Variants in CFAP43 observed in about 807,000 individuals in gnomAD.
CFAP43 encodes cilia- and flagella-associated protein 43.
A neutral mutation model predicts 218.9 loss-of-function variants in CFAP43; 155 were observed. That is an observed-to-expected ratio of 0.71 (90% confidence interval 0.62 to 0.81). CFAP43 has a LOEUF of 0.81. CFAP43 is among the 30% of genes least tolerant of loss of function. The pLI, the probability that CFAP43 is intolerant of heterozygous loss-of-function variation, is 0.00. For missense variants in CFAP43, 1,778 were observed against 1,954.3 expected (o/e 0.91, Z 1.70); for synonymous variants, 645 against 681.3 (o/e 0.95, Z 0.83).
chr10:104,193,281 T>C (rs1339618063), intron 11 of CFAP43: 15 of 152,258 alleles, frequency 9.9e-5, no homozygotes, highest in Non-Finnish European at 1.5e-5. Context: ...ATAATCAGGC[T>C]GGTCTTTATG....
In CFAP43 at chr10:104,217,189, A is replaced by G. The variant is rs1234091299; in HGVS notation, c.417-2763T>C. On this transcript the variant is annotated intron_variant, in intron 3 of 37. Transcript: ENST00000357060. ...CCCCCTGAATATTAGCCAGGCACAT[A>G]TGGCCACTCACAATGAGGACCTAAT... is the stretch of plus-strand genomic sequence containing the variant. Among the ~76,000 whole-genome samples the G allele has an allele frequency of 2.0e-5, 3 of 152,166 alleles. No individual in the cohort carries two copies. In the East Asian group the frequency reaches 5.8e-4, roughly 29 times the overall value.
intron 20 of CFAP43, among the ~76,000 whole-genome samples, chr10:104,170,173 T>C (rs2089348465): frequency 6.6e-6 from 1 of 152,014 alleles, no homozygotes; most frequent in Non-Finnish European, 1.5e-5. Flanking sequence ...CTGGTGTTAC[T>C]ATCTCTTCAA....
chr10:104,147,365 A>G (rs936129113), intron 29 of CFAP43, among the ~76,000 whole-genome samples: 1 of 152,098 alleles, frequency 6.6e-6, no homozygotes, highest in East Asian at 1.9e-4. Context: ...TGACATTTGT[A>G]GAAACATTAT....
intron 37 of CFAP43, among the ~76,000 whole-genome samples, chr10:104,131,024 AAAG>A (rs1396414384): frequency 6.7e-6 from 1 of 150,192 alleles, no homozygotes; most frequent in Non-Finnish European, 1.5e-5. Flanking sequence ...AAAAAAAAGA[AAAG>A]AAACACTGGG....
At chr10:104,152,926 A>G (rs1201870227) in intron 27 of CFAP43, among the ~76,000 whole-genome samples, 200 bp from the exon 28 acceptor site, 1 of 152,148 alleles carries the variant, frequency 6.6e-6, no homozygotes, top group African/African-American at 2.4e-5. Context: ...TGCTTAGAAA[A>G]GATTACATTG....
rs756770927 is a variant in CFAP43 at position 104,164,111 on chromosome 10, C to T, written c.3229G>A (p.Val1077Ile). Residue 1077 changes from valine to isoleucine, a missense_variant, in exon 24 of 38, where the codon GTT becomes ATT. By Grantham distance (29) the Val-to-Ile change is conservative. This residue lies in a region of CFAP43 where 1,553 missense variants were observed against 1,685.2 expected (regional missense o/e 0.92). Coordinates refer to ENST00000357060, the MANE Select transcript of CFAP43 (RefSeq NM_025145.7). ...GCCAGTACCTCCTCATCTTGCACAACAAGCGTTCTCTCTGGCTTCTCACAG... is the reference window on the plus strand; with the variant it reads ...GCCAGTACCTCCTCATCTTGCACAATAAGCGTTCTCTCTGGCTTCTCACAG... Reference protein sequence around the residue: ...EDCEKPERTLVVQDEEITAHK... With the variant: ...EDCEKPERTLIVQDEEITAHK... The T allele has an allele frequency of 3.9e-5, 63 of 1,614,070 alleles. No homozygotes were observed. In the South Asian group the frequency reaches 5.5e-4, roughly 14 times the overall value.
chr10:104,148,564 G>T (rs1047504286), intron 28 of CFAP43, among the ~76,000 whole-genome samples: 6 of 152,110 alleles, frequency 3.9e-5, no homozygotes, highest in Non-Finnish European at 7.4e-5. Flanking sequence ...CCTCAGGGGT[G>T]AGTGAGTTTA....
chr10:104,203,647 A>T (rs560129169), intron 8 of CFAP43, 25 bp downstream of exon 8: 18 of 1,583,936 alleles, frequency 1.1e-5, no homozygotes, highest in South Asian at 1.1e-4. Context: ...AAAATCACAT[A>T]TCAAGAAATT....
At chr10:104,227,937 C>T (rs1439352960) in intron 2 of CFAP43, among the ~76,000 whole-genome samples, 1 of 149,728 alleles carries the variant, frequency 6.7e-6, no homozygotes, top group Non-Finnish European at 1.5e-5. Flanking sequence ...ACCTCCGCCT[C>T]CCGGGTTCAA....
At chr10:104,142,491 T>A in intron 32 of CFAP43, 98 bp from the exon 33 acceptor site, 1 of 756,126 alleles carries the variant, frequency 1.3e-6, no homozygotes, top group Non-Finnish European at 2.1e-6. Flanking sequence ...CCTTAACAGG[T>A]CTATCTTTCG....
chr10:104,167,403 G>A (rs149155541), intron 22 of CFAP43, among the ~76,000 whole-genome samples: 48 of 152,222 alleles, frequency 3.2e-4, no homozygotes, highest in Non-Finnish European at 5.6e-4. Flanking sequence ...TCATATTTGA[G>A]GGCTAGCCAG....
chr10:104,189,963 C>T (rs1231207598), intron 12 of CFAP43, among the ~76,000 whole-genome samples: 1 of 151,968 alleles, frequency 6.6e-6, no homozygotes, highest in Non-Finnish European at 1.5e-5. Context: ...GTCAGGAGAT[C>T]GAGACCATCC....
chr10:104,212,784 T>C (rs1018813093), intron 4 of CFAP43, among the ~76,000 whole-genome samples: 5 of 152,242 alleles, frequency 3.3e-5, no homozygotes, highest in Non-Finnish European at 7.3e-5. Flanking sequence ...TTAGAGAATT[T>C]GTGGTTTCAT....
chr10:104,184,795 G>A (rs558735365), intron 16 of CFAP43, among the ~76,000 whole-genome samples: 7 of 152,050 alleles, frequency 4.6e-5, no homozygotes, highest in African/African-American at 1.2e-4. Context: ...TCTCATCCAC[G>A]TTTTCCTCCC....
intron 19 of CFAP43, among the ~76,000 whole-genome samples, chr10:104,173,045 A>G (rs1430850558): frequency 6.6e-6 from 1 of 152,194 alleles, no homozygotes; most frequent in African/African-American, 2.4e-5. Flanking sequence ...AAAAGTTCAT[A>G]ACTTAAAAAA....
In CFAP43 at chr10:104,174,155, T is replaced by C. The variant is rs529274516; in HGVS notation, c.2461-1620A>G. ...ATTCAACAAGGTGGTCAGAAAAAAA[T>C]CAGTAACATTCACATATACCAATAA... On this transcript the variant is annotated intron_variant, in intron 19 of 37. Coordinates refer to ENST00000357060, the MANE Select transcript of CFAP43 (RefSeq NM_025145.7). Among the ~76,000 whole-genome samples, 3 of 152,184 alleles carry C rather than the reference T, an allele frequency of 2.0e-5. No individual in the cohort carries two copies. In the South Asian group the frequency reaches 6.2e-4, roughly 32 times the overall value.
intron 4 of CFAP43, 53 bp downstream of exon 4, chr10:104,214,206 A>T: frequency 6.7e-7 from 1 of 1,502,206 alleles, no homozygotes; most frequent in Non-Finnish European, 8.9e-7. Context: ...ATCACATTAC[A>T]CGAATGCAAA....
intron 19 of CFAP43, among the ~76,000 whole-genome samples, chr10:104,173,307 T>C (rs1434314548): frequency 1.3e-5 from 2 of 152,004 alleles, no homozygotes; most frequent in Admixed American, 1.3e-4. Flanking sequence ...AGGAATAGAA[T>C]CCTTCAGGAG....
chr10:104,185,899 A>G (rs957384431), intron 15 of CFAP43, 75 bp downstream of exon 15: 30 of 1,361,430 alleles, frequency 2.2e-5, no homozygotes, highest in African/African-American at 1.8e-4. Flanking sequence ...GCAAATTTTT[A>G]TATACATATA....
Sources: gnomAD v4.1 joint callset for allele counts (sites outside exome capture counted in the v4.1 genomes callset) on GRCh38, gnomAD v4.1.1 for gene constraint, gnomAD v4.1.1 regional missense constraint, MANE v1.5 for transcripts, NCBI Gene and HGNC (gene_info 2026-07-23, HGNC 2026-07-21) for gene names.